The following SVIL variants were observed in gnomAD, a reference collection of about 807,000 sequenced individuals.
SVIL encodes the protein supervillin, also known as archvillin.
SVIL carries 101 observed loss-of-function variants against 240.4 expected under a neutral mutation model. The ratio of observed to expected loss-of-function variants is 0.42; its 90% CI spans 0.36 to 0.50. The LOEUF (loss-of-function observed/expected upper bound fraction) is 0.50. Among genes scored for constraint, SVIL ranks in the 20% least tolerant of loss-of-function variants. The pLI, the probability that SVIL is intolerant of heterozygous loss-of-function variation, is 0.01. For synonymous variants in SVIL, 999 were observed against 1,100.0 expected, an observed-to-expected ratio of 0.91 and a Z score of 1.82; for missense variants, 2,512 against 2,818.7, an observed-to-expected ratio of 0.89 and a Z score of 2.46.
intron 1 of SVIL, among the ~76,000 whole-genome samples, chr10:29,589,904 C>G (rs1471139952): frequency 6.6e-6 from 1 of 152,060 alleles, no homozygotes; most frequent in Non-Finnish European, 1.5e-5. Flanking sequence ...CGTGGTGGCT[C>G]ACGCCTGTAA....
At chr10:29,590,864 C>A (rs1353180982) in intron 1 of SVIL, among the ~76,000 whole-genome samples, 2 of 152,190 alleles carry the variant, frequency 1.3e-5, no homozygotes, top group African/African-American at 4.8e-5. Flanking sequence ...ATACCTCCCC[C>A]TGGTGGCAGA....
chr10:29,522,796 T>TGAG (rs1950649167), intron 15 of SVIL, among the ~76,000 whole-genome samples, 161 bp from the exon 16 acceptor site: 1 of 152,204 alleles, frequency 6.6e-6, no homozygotes, highest in South Asian at 2.1e-4. Flanking sequence ...CTACACTCTG[T>TGAG]GAGAAAACCA....
intron 17 of SVIL, among the ~76,000 whole-genome samples, chr10:29,505,352 T>C (rs1038671925): frequency 4.0e-5 from 6 of 151,770 alleles, no homozygotes; most frequent in African/African-American, 1.2e-4. Flanking sequence ...ATCATAATAA[T>C]TTAAAAATAA....
At chr10:29,666,417 A>T (rs1450612946) in intron 2 of SVIL, among the ~76,000 whole-genome samples, 1 of 152,222 alleles carries the variant, frequency 6.6e-6, no homozygotes, top group East Asian at 1.9e-4. Context: ...TGTCACTGCA[A>T]AAGTCCCAAC....
intron 2 of SVIL, among the ~76,000 whole-genome samples, chr10:29,667,112 T>G (rs1959366690): frequency 6.6e-6 from 1 of 152,074 alleles, no homozygotes; most frequent in Non-Finnish European, 1.5e-5. Flanking sequence ...AAACTTACCT[T>G]ATGAACCAGC....
chr10:29,522,786 C>G, intron 15 of SVIL, 151 bp from the exon 16 acceptor site: 1 of 890,244 alleles, frequency 1.1e-6, no homozygotes, highest in Non-Finnish European at 1.7e-6. Context: ...CTGCAGCACG[C>G]TACACTCTGT....
chr10:29,573,250 T>C (rs2132734463), intron 1 of SVIL, among the ~76,000 whole-genome samples: 1 of 152,312 alleles, frequency 6.6e-6, no homozygotes, highest in East Asian at 1.9e-4. Context: ...TACACATTTT[T>C]TTTAATTGTT....
At chr10:29,547,361 C>A (rs1952786526) in intron 6 of SVIL, among the ~76,000 whole-genome samples, 1 of 152,028 alleles carries the variant, frequency 6.6e-6, no homozygotes, top group Admixed American at 6.6e-5. Context: ...GGTTTCTTTG[C>A]CTGTGAATCA....
chr10:29,464,862 T>TG (rs1944707861), intron 34 of SVIL, among the ~76,000 whole-genome samples: 1 of 3,432 alleles, frequency 2.9e-4, no homozygotes, highest in Admixed American at 4.7e-3. Flanking sequence ...CATTGGAGGG[T>TG]GGGTGGGAGG....
At chr10:29,528,095 G>A (rs1441333211) in intron 12 of SVIL, among the ~76,000 whole-genome samples, 1 of 152,144 alleles carries the variant, frequency 6.6e-6, no homozygotes, top group Non-Finnish European at 1.5e-5. Context: ...TAGATTTATT[G>A]AGCCTTAAAA....
At chr10:29,643,745 C>T (rs984604550) in intron 3 of SVIL, among the ~76,000 whole-genome samples, 1 of 152,088 alleles carries the variant, frequency 6.6e-6, no homozygotes, top group African/African-American at 2.4e-5. Context: ...CTGGCTTTAG[C>T]TGAAAATCTT....
chr10:29,512,862 C>G lies in SVIL; in HGVS notation c.3390-1G>C. 1 of 1,605,572 alleles carries G rather than the reference C, an allele frequency of 6.2e-7. No homozygotes were observed. The highest frequency in any genetic ancestry group is 8.5e-7 in the Non-Finnish European group (1 of 1,177,916). ...CCCGCTTTTCTTCAACAGTGCCAAT[C>G]TAGGAGGAAAACATGCCCGCCACAA... On this transcript the variant is annotated splice_acceptor_variant, in intron 16 of 37. Coordinates refer to ENST00000355867, the MANE Select transcript of SVIL (RefSeq NM_021738.3). LOFTEE classifies it high-confidence loss of function.
At chr10:29,558,127 C>G (rs1204830620) in intron 3 of SVIL, among the ~76,000 whole-genome samples, 3 of 152,170 alleles carry the variant, frequency 2.0e-5, no homozygotes, top group African/African-American at 7.2e-5. Context: ...GCCTTAGACA[C>G]CCAGGCCCTA....
In SVIL at chr10:29,548,613, C is replaced by T. The variant is rs143258272; in HGVS notation, c.827+1984G>A. Among the ~76,000 whole-genome samples, 29 of 152,170 alleles carry T rather than the reference C, an allele frequency of 1.9e-4. No individual in the cohort carries two copies. The Middle Eastern group carries it at 0.024, about 125-fold the overall frequency. ...TTTCTAATGGCTGATCTTCATAATG[C>T]GGGGTTCTCACACATACCTGTGTCC... is the stretch of plus-strand genomic sequence containing the variant. On this transcript the variant is annotated intron_variant, in intron 6 of 37. Transcript: ENST00000355867.
intron 1 of SVIL, among the ~76,000 whole-genome samples, chr10:29,698,883 C>T (rs980417112): frequency 3.3e-5 from 5 of 152,178 alleles, no homozygotes; most frequent in Middle Eastern, 3.2e-3. Context: ...GGAAAAACTA[C>T]ACAACTGGTG....
At chr10:29,542,008 A>G (rs367781336) in intron 6 of SVIL, among the ~76,000 whole-genome samples, 235 of 152,344 alleles carry the variant, frequency 1.5e-3, no homozygotes, top group African/African-American at 5.3e-3. Context: ...GTCCCTCTGC[A>G]TGATTAGACA....
At chr10:29,598,470 AC>A (rs1271807998) in intron 1 of SVIL, among the ~76,000 whole-genome samples, 1 of 152,136 alleles carries the variant, frequency 6.6e-6, no homozygotes, top group Non-Finnish European at 1.5e-5. Context: ...TGGGTTCTGA[AC>A]CTGTGGGTGT....
At position 29,533,094 on chromosome 10, in the gene SVIL, AC is replaced by A; in HGVS notation, c.1272del (p.Glu424AspfsTer41). The A allele has an allele frequency of 6.2e-7, 1 of 1,613,496 alleles. No homozygotes were observed. Among genetic ancestry groups the A allele is most frequent in the Non-Finnish European group, 8.5e-7 (1 of 1,179,866 alleles). ...TCCCCTTCTTCTTCTTCTGCTTTTG[AC>A]TCGCAGACATGGAGAACTGGGCTAT... Reference protein sequence around the residue: ...GRDSPVLHVCESKAEEEEGEG... With the variant: ...GRDSPVLHVCXSKAEEEEGEG... On this transcript the variant is annotated frameshift_variant, in exon 8 of 38. Coordinates refer to ENST00000355867, the MANE Select transcript of SVIL (RefSeq NM_021738.3). LOFTEE classifies it high-confidence loss of function.
intron 17 of SVIL, among the ~76,000 whole-genome samples, chr10:29,506,542 C>A (rs1402112448): frequency 6.6e-6 from 1 of 152,168 alleles, no homozygotes; most frequent in Non-Finnish European, 1.5e-5. Flanking sequence ...CTGGAGCAGG[C>A]CCATCGCGGC....
Sources: allele counts gnomAD v4.1 joint callset (sites outside exome capture counted in the v4.1 genomes callset), GRCh38; gene constraint gnomAD v4.1.1; transcripts MANE v1.5; gene names NCBI Gene and HGNC (gene_info 2026-07-23, HGNC 2026-07-21).